WNT2B: variants seen among roughly 807,000 people sequenced by gnomAD.
WNT2B encodes the protein Wnt family member 2B, also known as protein Wnt-2b.
Under a neutral mutation model 40.5 loss-of-function variants are expected in WNT2B, and 19 were observed. The observed-to-expected ratio is 0.47, with a 90% CI of 0.33 to 0.69. The LOEUF (loss-of-function observed/expected upper bound fraction) is 0.69. Ranked by LOEUF, WNT2B falls within the 30% of genes least tolerant of loss-of-function variation. WNT2B has a pLI of 0.02. For missense variants in WNT2B, 467 were observed against 556.4 expected (o/e 0.84, Z 1.62); for synonymous variants, 220 against 211.9 (o/e 1.04, Z -0.33).
chr1:112,529,006 T>TA lies in WNT2B; in HGVS notation c.*8498dup, dbSNP rs1310824984. On this transcript the variant is annotated 3_prime_UTR_variant, in exon 5 of 5. Coordinates refer to ENST00000369684, the MANE Select transcript of WNT2B (RefSeq NM_024494.3). ...TTTGCTAAAGGTAAAAATCGCTACTTATGGGGCTTTTGTCATACTTCTTAA... is the reference window on the plus strand; with the variant it reads ...TTTGCTAAAGGTAAAAATCGCTACTTAATGGGGCTTTTGTCATACTTCTTAA... The TA allele has an allele frequency of 1.3e-5, 2 of 152,202 alleles. No homozygotes were observed. The highest frequency in any genetic ancestry group is 2.9e-5 in the Non-Finnish European group (2 of 68,038). 9.4% of individuals were successfully genotyped at this position (152,202 alleles called of 1,614,324 possible).
intron 1 of WNT2B, among the ~76,000 whole-genome samples, chr1:112,484,282 T>TACAC (rs1246477451): frequency 0.068 from 7,669 of 112,952 alleles, 381 homozygotes; most frequent in African/African-American, 0.16. Flanking sequence ...CATATATATA[T>TACAC]ATATATATAC....
chr1:112,503,331 T>A (rs1652015693), intron 1 of WNT2B, among the ~76,000 whole-genome samples: 1 of 151,724 alleles, frequency 6.6e-6, no homozygotes, highest in African/African-American at 2.4e-5. Context: ...AGTGGGAAAG[T>A]GATTTACAGA....
At chr1:112,511,194 G>T (rs923057648) in intron 1 of WNT2B, among the ~76,000 whole-genome samples, 1 of 151,284 alleles carries the variant, frequency 6.6e-6, no homozygotes, top group African/African-American at 2.4e-5. Context: ...CTCCCCTGAT[G>T]TGGTTCATAT....
intron 1 of WNT2B, among the ~76,000 whole-genome samples, chr1:112,491,282 C>T (rs536815379): frequency 6.6e-6 from 1 of 152,240 alleles, no homozygotes; most frequent in South Asian, 2.1e-4. Context: ...GTGGTGGGCG[C>T]CTGTAATCCC....
chr1:112,529,314 C>G lies in WNT2B; in HGVS notation c.*8805C>G, dbSNP rs987637702. The G allele has an allele frequency of 5.3e-5, 8 of 152,158 alleles. No individual in the cohort carries two copies. Among genetic ancestry groups the G allele is most frequent in the African/African-American group, 1.9e-4 (8 of 41,428 alleles). The allele number at this position is 152,158 out of a possible 1,614,324, so 9.4% of individuals were successfully genotyped here. A position where few individuals can be genotyped will look rare whatever the true frequency, so the allele number is the denominator to read the frequency against. On this transcript the variant is annotated 3_prime_UTR_variant, in exon 5 of 5. Coordinates refer to ENST00000369684, the MANE Select transcript of WNT2B (RefSeq NM_024494.3). ...AGCATTTGTTAGTATCATCTTAGTT[C>G]TCTTCCCTCCCCTAGGTAGTTTATA... is the stretch of plus-strand genomic sequence containing the variant.
chr1:112,479,051 T>C (rs1651136765), intron 1 of WNT2B, among the ~76,000 whole-genome samples: 1 of 151,832 alleles, frequency 6.6e-6, no homozygotes, highest in Non-Finnish European at 1.5e-5. Context: ...TGAAACCTTG[T>C]CTCTACTAAA....
intron 1 of WNT2B, among the ~76,000 whole-genome samples, chr1:112,483,474 C>G: frequency 6.6e-6 from 1 of 151,966 alleles, no homozygotes; most frequent in East Asian, 1.9e-4. Flanking sequence ...CAAAAATCAA[C>G]TCAAAAAGGA....
At chr1:112,473,975 G>C (rs1650973465) in intron 1 of WNT2B, among the ~76,000 whole-genome samples, 1 of 148,876 alleles carries the variant, frequency 6.7e-6, no homozygotes, top group African/African-American at 2.5e-5. Flanking sequence ...TGAGGCAGGA[G>C]AATGGCATGA....
At chr1:112,495,834 G>A (rs1311436653) in intron 1 of WNT2B, among the ~76,000 whole-genome samples, 2 of 152,162 alleles carry the variant, frequency 1.3e-5, no homozygotes, top group Non-Finnish European at 2.9e-5. Context: ...CTGCAGGCTG[G>A]GAAGTCCAAG....
chr1:112,490,682 G>C (rs1000330394), intron 1 of WNT2B, among the ~76,000 whole-genome samples: 1 of 151,940 alleles, frequency 6.6e-6, no homozygotes, highest in African/African-American at 2.4e-5. Flanking sequence ...GTAGAGACAG[G>C]CTTTCACCGT....
chr1:112,520,640 ATCCATAGGG>A lies in WNT2B; in HGVS notation c.*132_*140del. 1.1e-6 allele frequency: 1 copy of A among 939,856 alleles called. No homozygotes were observed. The highest frequency in any genetic ancestry group is 1.6e-6 in the Non-Finnish European group (1 of 617,272). 58.2% of individuals were successfully genotyped at this position (939,856 alleles called of 1,614,324 possible). On this transcript the variant is annotated 3_prime_UTR_variant, in exon 5 of 5. Coordinates refer to ENST00000369684, the MANE Select transcript of WNT2B (RefSeq NM_024494.3). The stretch of plus-strand genomic sequence containing the variant: ...CTTCTATTTAAGGATGTAGAGAGTA[ATCCATAGGG>A]ACCATGGTGTCCTGGCTGGTTCCTT...
At chr1:112,480,748 C>CGG (rs1212222198) in intron 1 of WNT2B, among the ~76,000 whole-genome samples, 1 of 152,120 alleles carries the variant, frequency 6.6e-6, no homozygotes, top group Non-Finnish European at 1.5e-5. Context: ...CAAAATTACC[C>CGG]TGATACCAAA....
intron 1 of WNT2B, chr1:112,467,600 A>G (rs775038934): frequency 1.3e-6 from 1 of 780,418 alleles, no homozygotes; most frequent in Admixed American, 1.7e-5. Context: ...AAGTAAGTTG[A>G]ATGAAGCACT....
At chr1:112,496,315 A>C (rs1179364475) in intron 1 of WNT2B, among the ~76,000 whole-genome samples, 1 of 152,196 alleles carries the variant, frequency 6.6e-6, no homozygotes, top group African/African-American at 2.4e-5. Flanking sequence ...TACACATTCA[A>C]ATTTTAGAAG....
intron 1 of WNT2B, among the ~76,000 whole-genome samples, chr1:112,472,682 T>G (rs1650917687): frequency 6.6e-6 from 1 of 151,672 alleles, no homozygotes; most frequent in South Asian, 2.1e-4. Context: ...AAAATCACAA[T>G]GTCTGGCATC....
chr1:112,489,445 T>G (rs1220358889), intron 1 of WNT2B, among the ~76,000 whole-genome samples: 1 of 151,684 alleles, frequency 6.6e-6, no homozygotes, highest in Non-Finnish European at 1.5e-5. Context: ...GCACCTATAA[T>G]CCCAGCTACT....
At chr1:112,491,642 T>A (rs528548566) in intron 1 of WNT2B, among the ~76,000 whole-genome samples, 1 of 152,176 alleles carries the variant, frequency 6.6e-6, no homozygotes, top group African/African-American at 2.4e-5. Flanking sequence ...TCCCAGCACT[T>A]TGGGAGGCCA....
At chr1:112,474,692 G>A (rs558853372) in intron 1 of WNT2B, among the ~76,000 whole-genome samples, 7 of 152,174 alleles carry the variant, frequency 4.6e-5, no homozygotes, top group South Asian at 2.1e-4. Context: ...AATGAGGATC[G>A]TGTTATGGTT....
chr1:112,485,027 G>A lies in WNT2B; in HGVS notation c.-95+17436G>A, dbSNP rs188165529. 1.7e-3 allele frequency among the ~76,000 whole-genome samples: 259 copies of A among 152,214 alleles called. 2 individuals carry two copies. Among genetic ancestry groups the A allele is most frequent in the Middle Eastern group, 3.4e-3 (1 of 294 alleles). ...TGCAATCCCAGTGAAAATTCCAACA[G>A]GCTTTTTTGTAGAAATTGACAAGTT... On this transcript the variant is annotated intron_variant, in intron 1 of 4. Transcript: ENST00000256640.
Sources: gnomAD v4.1 joint callset for allele counts (sites outside exome capture counted in the v4.1 genomes callset) on GRCh38, gnomAD v4.1.1 for gene constraint, MANE v1.5 for transcripts, NCBI Gene and HGNC (gene_info 2026-07-23, HGNC 2026-07-21) for gene names.